Variants in NKD1 observed in about 807,000 individuals in gnomAD.
NKD1 encodes NKD inhibitor of Wnt signaling pathway 1.
In NKD1, 21 loss-of-function variants were observed where a neutral mutation model predicts 56.0. The ratio of observed to expected loss-of-function variants is 0.38; its 90% CI spans 0.27 to 0.54. The LOEUF (loss-of-function observed/expected upper bound fraction) is 0.54. Ranked by LOEUF, NKD1 falls within the 20% of genes least tolerant of loss-of-function variation. NKD1 has a pLI of 0.82. For synonymous variants in NKD1, 263 were observed against 265.7 expected (o/e 0.99, Z 0.10); for missense variants, 578 against 642.7 (o/e 0.90, Z 1.09).
chr16:50,582,232 C>T (rs1351169157), intron 3 of NKD1, among the ~76,000 whole-genome samples: 6 of 152,158 alleles, frequency 3.9e-5, no homozygotes, highest in Admixed American at 2.6e-4. Context: ...ATGCCTTGAA[C>T]GTGGTTTTAG....
chr16:50,549,289 C>T (rs1567331309), intron 2 of NKD1, 133 bp from the exon 3 acceptor site: 2 of 1,162,390 alleles, frequency 1.7e-6, no homozygotes, highest in East Asian at 5.1e-5. Flanking sequence ...GGCTCCTGCC[C>T]CAGCCCGCGA....
At position 50,630,883 on chromosome 16, in the gene NKD1, GGGA is replaced by G. The variant is rs759969095; in HGVS notation, c.670_672del (p.Glu224del). 1.9e-6 allele frequency: 3 copies of G among 1,604,428 alleles called. No individual in the cohort carries two copies. In the African/African-American group the frequency reaches 4.0e-5, roughly 21 times the overall value. On this transcript the variant is annotated inframe_deletion, in exon 8 of 10. Transcript: ENST00000268459. ...AAGCCCACTGAGGACCTGCGGAGCT[GGGA>G]GAAGAAGCAGCGAGCCCCGCTCAGG...
chr16:50,570,133 T>C (rs1409496556), intron 3 of NKD1, among the ~76,000 whole-genome samples: 4 of 152,230 alleles, frequency 2.6e-5, no homozygotes, highest in African/African-American at 7.2e-5. Flanking sequence ...GAAATGTCGG[T>C]ATTTTGGATA....
intron 4 of NKD1, chr16:50,608,600 C>G: frequency 5.2e-6 from 3 of 578,400 alleles, no homozygotes; most frequent in South Asian, 2.0e-5. Flanking sequence ...TGTCCTGGCC[C>G]TGCACCGGAT....
chr16:50,637,106 C>T lies in NKD1; in HGVS notation c.*3325C>T, dbSNP rs1780031415. 2 of 152,202 alleles carry T rather than the reference C, an allele frequency of 1.3e-5. No individual in the cohort carries two copies. The highest frequency in any genetic ancestry group is 4.8e-5 in the African/African-American group (2 of 41,444). 9.4% of individuals were successfully genotyped at this position (152,202 alleles called of 1,614,324 possible). A position where few individuals can be genotyped will look rare whatever the true frequency, so the allele number is the denominator to read the frequency against. On this transcript the variant is annotated 3_prime_UTR_variant, in exon 10 of 10. Transcript: ENST00000268459. ...ATCCCCTCCTGGTGGTCATAAGGGT[C>T]ATCTCTCATCCCAGGCTCTGGCGAA... is the stretch of plus-strand genomic sequence containing the variant.
chr16:50,636,988 A>G lies in NKD1; in HGVS notation c.*3207A>G, dbSNP rs1489175218. On this transcript the variant is annotated 3_prime_UTR_variant, in exon 10 of 10. Coordinates refer to ENST00000268459, the MANE Select transcript of NKD1 (RefSeq NM_033119.5). ...TTTTTCAGTAACTGAATATATTTGG[A>G]GATCTCCCTCCCTAGGTCATAGAGC... 6.6e-6 allele frequency: 1 copy of G among 152,156 alleles called. No individual in the cohort carries two copies. 9.4% of individuals were successfully genotyped at this position (152,156 alleles called of 1,614,324 possible). A position where few individuals can be genotyped will look rare whatever the true frequency, so the allele number is the denominator to read the frequency against.
chr16:50,576,498 C>T (rs112859485), intron 3 of NKD1, among the ~76,000 whole-genome samples: 2 of 152,102 alleles, frequency 1.3e-5, no homozygotes, highest in Non-Finnish European at 2.9e-5. Flanking sequence ...TGTTATGTTT[C>T]TGATTATCCT....
intron 3 of NKD1, among the ~76,000 whole-genome samples, chr16:50,562,980 A>ACCCCCCCCCCCCCCCCCCCCCCCCC (rs1330575476): frequency 1.8e-5 from 1 of 56,398 alleles, no homozygotes; most frequent in African/African-American, 9.5e-5. Flanking sequence ...GCTAGGTCCC[A>ACCCCCCCCCCCCCCCCCCCCCCCCC]CCACCACCCC....
chr16:50,624,714 C>T (rs974367884), intron 5 of NKD1, among the ~76,000 whole-genome samples: 12 of 152,206 alleles, frequency 7.9e-5, no homozygotes, highest in African/African-American at 2.4e-4. Flanking sequence ...AGCCATGTAG[C>T]ATGCGCTCAG....
At chr16:50,626,417 A>AGGGGAGGCCTCCTGGAG (rs1567353289) in intron 6 of NKD1, among the ~76,000 whole-genome samples, 1 of 152,122 alleles carries the variant, frequency 6.6e-6, no homozygotes, top group African/African-American at 2.4e-5. Flanking sequence ...ACTGGCTGGA[A>AGGGGAGGCCTCCTGGAG]GGTCCAGGGG....
At chr16:50,630,552 G>T (rs1248751000) in intron 7 of NKD1, among the ~76,000 whole-genome samples, 1 of 152,122 alleles carries the variant, frequency 6.6e-6, no homozygotes, top group African/African-American at 2.4e-5. Flanking sequence ...GAGCCATGCA[G>T]CTGGAGTGAA....
intron 3 of NKD1, among the ~76,000 whole-genome samples, chr16:50,550,540 G>T (rs1960359231): frequency 6.6e-6 from 1 of 152,060 alleles, no homozygotes; most frequent in Non-Finnish European, 1.5e-5. Flanking sequence ...GATAAAGTCA[G>T]TTCCTGTGTG....
chr16:50,612,908 G>A (rs1184861298), intron 4 of NKD1, among the ~76,000 whole-genome samples: 1 of 152,172 alleles, frequency 6.6e-6, no homozygotes, highest in African/African-American at 2.4e-5. Context: ...GGGAGGGACT[G>A]CCCATGGGCA....
rs976752653 is a variant in NKD1 at position 50,554,720 on chromosome 16, G to A, written c.192+5165G>A. On this transcript the variant is annotated intron_variant, in intron 3 of 9. Coordinates refer to ENST00000268459, the MANE Select transcript of NKD1 (RefSeq NM_033119.5). Reference sequence around the variant, plus strand: ...CGTCATAGCTCACTGTGGCCTCACAGTGATCCTCCTGCCTCAGCCTCCTGA... The same window carrying A: ...CGTCATAGCTCACTGTGGCCTCACAATGATCCTCCTGCCTCAGCCTCCTGA... 3.2e-4 allele frequency among the ~76,000 whole-genome samples: 49 copies of A among 152,302 alleles called. 1 individual carries two copies. Among genetic ancestry groups the A allele is most frequent in the African/African-American group, 1.2e-3 (48 of 41,570 alleles).
At chr16:50,629,361 G>A (rs1245556364) in intron 6 of NKD1, among the ~76,000 whole-genome samples, 1 of 152,204 alleles carries the variant, frequency 6.6e-6, no homozygotes, top group Non-Finnish European at 1.5e-5. Context: ...CACATTGGGG[G>A]TTAGGGCTTC....
intron 3 of NKD1, chr16:50,574,764 T>G (rs945607323): frequency 6.1e-6 from 6 of 985,288 alleles, no homozygotes; most frequent in Non-Finnish European, 7.2e-6. Context: ...TCCCTCTCCC[T>G]TTTCTTCTGA....
In NKD1 at chr16:50,632,090, T is replaced by C. The variant is rs902953650; in HGVS notation, c.696-191T>C. 1.3e-5 allele frequency among the ~76,000 whole-genome samples: 2 copies of C among 152,268 alleles called. No homozygotes were observed. Among genetic ancestry groups the C allele is most frequent in the African/African-American group, 2.4e-5 (1 of 41,540 alleles). ...GCTGTGGGCTGTGGTCTATGGTCTG[T>C]CTCTCCATCGGCAAGGAGGGAAATG... On this transcript the variant is annotated intron_variant, in intron 8 of 9. Coordinates refer to ENST00000268459, the MANE Select transcript of NKD1 (RefSeq NM_033119.5). This position sits in a 1 kb window ranked among gnomAD's most constrained non-coding sequence, Gnocchi z 4.1.
intron 4 of NKD1, among the ~76,000 whole-genome samples, chr16:50,620,784 C>T (rs1962068498): frequency 1.3e-5 from 2 of 152,196 alleles, no homozygotes; most frequent in African/African-American, 4.8e-5. Flanking sequence ...CTGGCATCCT[C>T]AGGAAAATAG....
chr16:50,554,789 A>C (rs1254326974), intron 3 of NKD1, among the ~76,000 whole-genome samples: 2 of 151,966 alleles, frequency 1.3e-5, no homozygotes, highest in African/African-American at 4.8e-5. Flanking sequence ...CGGCTAATTC[A>C]TTTTTATTTT....
Sources: allele counts gnomAD v4.1 joint callset (sites outside exome capture counted in the v4.1 genomes callset), GRCh38; gene constraint gnomAD v4.1.1; non-coding constraint Gnocchi (gnomAD v3.1); transcripts MANE v1.5; gene names NCBI Gene and HGNC (gene_info 2026-07-23, HGNC 2026-07-21).